Variants in PUDP observed in about 807,000 individuals in gnomAD.
PUDP encodes pseudouridine 5'-phosphatase.
PUDP carries 8 observed loss-of-function variants against 9.4 expected under a neutral mutation model. The ratio of observed to expected loss-of-function variants is 0.85; its 90% CI spans 0.50 to 1.53. The LOEUF (loss-of-function observed/expected upper bound fraction) is 1.53, where lower values mean the gene tolerates loss of function less well. PUDP is among the 40% of genes most tolerant of loss of function. The pLI is 0.00. For missense variants in PUDP, 188 were observed against 189.7 expected, an observed-to-expected ratio of 0.99 and a Z score of 0.05; for synonymous variants, 99 against 80.7, an observed-to-expected ratio of 1.23 and a Z score of -1.22.
At chrX:6,790,822 A>G (rs1039148151) in intron 3 of PUDP, among the ~76,000 whole-genome samples, 2 of 112,299 alleles carry the variant, frequency 1.8e-5, no homozygotes, top group Admixed American at 1.9e-4. Flanking sequence ...TTCATGGTCT[A>G]CATCTCCATA....
chrX:6,878,322 AC>A (rs2146737954), intron 3 of PUDP, among the ~76,000 whole-genome samples: 1 of 110,548 alleles, frequency 9.0e-6, no homozygotes, highest in East Asian at 2.9e-4. Flanking sequence ...CCATTGAAGT[AC>A]CATGTGAGCC....
At chrX:7,014,816 A>G (rs1240184450) in intron 1 of PUDP, among the ~76,000 whole-genome samples, 2 of 112,106 alleles carry the variant, frequency 1.8e-5, no homozygotes, top group Non-Finnish European at 3.8e-5. Context: ...GGCAACCTCA[A>G]GGCATTTAAC....
At chrX:6,898,373 C>T (rs10856412) in intron 3 of PUDP, among the ~76,000 whole-genome samples, 23,013 of 111,962 alleles carry the variant, frequency 0.21, 1,929 homozygotes, top group Middle Eastern at 0.26. Context: ...ATTTTTTCAA[C>T]ATCAGAAGGT....
chrX:6,843,312 C>T (rs1323786693), intron 3 of PUDP, among the ~76,000 whole-genome samples: 2 of 111,550 alleles, frequency 1.8e-5, no homozygotes, highest in Non-Finnish European at 3.8e-5. Flanking sequence ...GCAGTGTTTC[C>T]GTGAATTAAA....
chrX:6,805,087 C>T (rs935649180), intron 3 of PUDP, among the ~76,000 whole-genome samples: 2 of 109,956 alleles, frequency 1.8e-5, no homozygotes, highest in African/African-American at 3.3e-5. Context: ...GGCAACATGG[C>T]GAGACCTCAT....
chrX:7,046,106 TTC>T (rs1254305150), downstream of PUDP, among the ~76,000 whole-genome samples: 1 of 112,117 alleles, frequency 8.9e-6, no homozygotes, highest in Admixed American at 9.5e-5. Flanking sequence ...ATAGTGAAAA[TTC>T]TTTTTTGTTT....
intron 3 of PUDP, among the ~76,000 whole-genome samples, chrX:6,782,392 A>G (rs964365525): frequency 4.5e-5 from 5 of 110,859 alleles, no homozygotes; most frequent in Non-Finnish European, 9.4e-5. Context: ...CAACATAGTG[A>G]AACCCCATCT....
At chrX:6,845,674 CTT>C (rs1208102592) in intron 3 of PUDP, among the ~76,000 whole-genome samples, 1 of 94,747 alleles carries the variant, frequency 1.1e-5, no homozygotes, top group African/African-American at 3.7e-5. Context: ...GTCTTCCTCT[CTT>C]TTCTTTACAC....
intron 3 of PUDP, among the ~76,000 whole-genome samples, chrX:6,812,910 A>G (rs936174095): frequency 8.9e-6 from 1 of 111,840 alleles, no homozygotes; most frequent in Non-Finnish European, 1.9e-5. Context: ...CCTGGGCAAC[A>G]TAGCAAGACC....
chrX:6,859,862 C>T (rs1926970007), intron 3 of PUDP, among the ~76,000 whole-genome samples: 1 of 111,528 alleles, frequency 9.0e-6, no homozygotes, highest in African/African-American at 3.3e-5. Context: ...AAAATACTAT[C>T]CTCCAAGGGA....
chrX:6,927,991 G>C (rs1196850124), intron 3 of PUDP, among the ~76,000 whole-genome samples: 3 of 100,777 alleles, frequency 3.0e-5, no homozygotes, highest in Non-Finnish European at 5.9e-5. Flanking sequence ...GAGACAGACT[G>C]TCATCCAGGC....
chrX:6,755,968 G>A (rs192826818), intron 3 of PUDP, among the ~76,000 whole-genome samples: 22 of 111,319 alleles, frequency 2.0e-4, no homozygotes, highest in African/African-American at 7.2e-4. Flanking sequence ...AGCTTTTTAT[G>A]AGAAGAGATT....
At chrX:6,980,890 G>A (rs1929023349) in intron 1 of PUDP, among the ~76,000 whole-genome samples, 1 of 111,223 alleles carries the variant, frequency 9.0e-6, no homozygotes, top group Non-Finnish European at 1.9e-5. Flanking sequence ...GGACATCTGT[G>A]GATTTTGGTA....
chrX:6,907,532 A>G (rs1927787131), intron 3 of PUDP, among the ~76,000 whole-genome samples: 1 of 111,676 alleles, frequency 9.0e-6, no homozygotes, highest in South Asian at 3.8e-4. Context: ...CTACATACAC[A>G]TTTAATGTCA....
chrX:7,071,770 ACTCT>A (rs1283209042), intron 3 of PUDP, among the ~76,000 whole-genome samples: 1 of 68,751 alleles, frequency 1.5e-5, no homozygotes, highest in African/African-American at 5.3e-5. Context: ...CCCAGAATGT[ACTCT>A]CTATTTTTTT....
chrX:7,103,830 C>A (rs776116866), intron 2 of PUDP, among the ~76,000 whole-genome samples: 1 of 111,992 alleles, frequency 8.9e-6, no homozygotes, highest in South Asian at 3.7e-4. Context: ...ATATGCAAAT[C>A]AAAACCATAA....
intron 3 of PUDP, among the ~76,000 whole-genome samples, chrX:7,056,689 C>T (rs1356109862): frequency 9.0e-6 from 1 of 111,087 alleles, no homozygotes; most frequent in African/African-American, 3.3e-5. Context: ...CACTGATGAA[C>T]GTCTGCTAAA....
chrX:7,013,331 C>A (rs1419141865), intron 1 of PUDP, among the ~76,000 whole-genome samples: 1 of 111,685 alleles, frequency 9.0e-6, no homozygotes, highest in Non-Finnish European at 1.9e-5. Context: ...TCCTAGAATC[C>A]GGGATCTAAT....
intron 3 of PUDP, 129 bp from the exon 4 acceptor site, chrX:7,050,601 C>G (rs1480865886): frequency 1.7e-6 from 1 of 599,169 alleles, no homozygotes; most frequent in Non-Finnish European, 2.6e-6. Context: ...TGGGGGCTCC[C>G]CAGAGTAGAG....
Sources: gnomAD v4.1 joint callset for allele counts (sites outside exome capture counted in the v4.1 genomes callset) on GRCh38, gnomAD v4.1.1 for gene constraint, MANE v1.5 for transcripts, NCBI Gene and HGNC (gene_info 2026-07-23, HGNC 2026-07-21) for gene names.